Variants in ARFGEF3 observed in about 807,000 individuals in gnomAD.
ARFGEF3 encodes ARFGEF family member 3.
Under a neutral mutation model 221.7 loss-of-function variants are expected in ARFGEF3, and 96 were observed. That is an observed-to-expected ratio of 0.43 (90% confidence interval 0.37 to 0.51). The LOEUF (loss-of-function observed/expected upper bound fraction) is 0.51, where lower values mean the gene tolerates loss of function less well. ARFGEF3 is among the 20% of genes least tolerant of loss of function. The probability of loss-of-function intolerance (pLI) is 0.00; values close to 1 mark genes in which losing one functional copy is unlikely to be tolerated. For missense variants in ARFGEF3, 2,410 were observed against 2,789.9 expected, an observed-to-expected ratio of 0.86 and a Z score of 3.07; for synonymous variants, 1,145 against 1,126.8, an observed-to-expected ratio of 1.02 and a Z score of -0.32.
chr6:138,278,727 C>T (rs1779145280), intron 13 of ARFGEF3, 110 bp downstream of exon 13: 3 of 1,198,232 alleles, frequency 2.5e-6, no homozygotes, highest in Non-Finnish European at 3.5e-6. Context: ...TTGTTCCAGA[C>T]TGCTCTAGGT....
intron 22 of ARFGEF3, 27 bp downstream of exon 22, chr6:138,298,812 A>T: frequency 6.3e-7 from 1 of 1,586,836 alleles, no homozygotes; most frequent in Non-Finnish European, 8.6e-7. Flanking sequence ...CATCAGCGTC[A>T]TAGCTGGCTC....
At chr6:138,246,878 G>A (rs1185120016) in intron 8 of ARFGEF3, among the ~76,000 whole-genome samples, 1 of 152,146 alleles carries the variant, frequency 6.6e-6, no homozygotes, top group Non-Finnish European at 1.5e-5. Flanking sequence ...TGGGTAGTGG[G>A]AGGAAATGAG....
intron 2 of ARFGEF3, among the ~76,000 whole-genome samples, chr6:138,189,416 C>T (rs996817347): frequency 6.6e-6 from 1 of 152,074 alleles, no homozygotes; most frequent in African/African-American, 2.4e-5. Flanking sequence ...CCAGGATTAC[C>T]CAGTAACAAC....
chr6:138,280,254 G>A (rs72986886), intron 14 of ARFGEF3, 90 bp downstream of exon 14: 57,294 of 1,333,758 alleles, frequency 0.043, 1,603 homozygotes, highest in Non-Finnish European at 0.047. Context: ...TTGGTGCTTG[G>A]AGCAGACTTT....
chr6:138,284,040 C>T (rs1277341395), intron 14 of ARFGEF3, among the ~76,000 whole-genome samples: 1 of 152,180 alleles, frequency 6.6e-6, no homozygotes, highest in Non-Finnish European at 1.5e-5. Flanking sequence ...GGCAGTGGCT[C>T]ACACCTGTAA....
intron 4 of ARFGEF3, among the ~76,000 whole-genome samples, chr6:138,219,793 CGTGTGT>C (rs141714713): frequency 6.7e-6 from 1 of 149,096 alleles, no homozygotes; most frequent in Admixed American, 6.7e-5. Context: ...CATAGATGTG[CGTGTGT>C]GTGTGTGTGT....
At chr6:138,185,588 T>G (rs952280051) in intron 2 of ARFGEF3, among the ~76,000 whole-genome samples, 18 of 152,284 alleles carry the variant, frequency 1.2e-4, no homozygotes, top group African/African-American at 4.3e-4. Flanking sequence ...AGATAAATAG[T>G]TGAAGTTTTA....
intron 33 of ARFGEF3, 25 bp from the exon 34 acceptor site, chr6:138,336,270 G>A: frequency 6.8e-7 from 1 of 1,473,552 alleles, no homozygotes. Context: ...GAAAGCCACT[G>A]ATTTTCTTAA....
chr6:138,334,579 G>T lies in ARFGEF3; in HGVS notation c.5733G>T (p.Leu1911=), dbSNP rs539132623. The change falls in exon 33 of 34, where the codon CTG becomes CTT. Residue 1911 remains leucine (L), a synonymous_variant. Coordinates refer to ENST00000251691, the MANE Select transcript of ARFGEF3 (RefSeq NM_020340.5). This position sits in a 1 kb window ranked among gnomAD's most constrained non-coding sequence, Gnocchi z 5.1. ...VKRLHKLCME[L]CNNYIQMHLD... is the part of the protein sequence containing the mutation. Reference sequence around the variant, plus strand: ...GGCTGCACAAGCTGTGCATGGAACTGTGCAACAACTACATCCAGATGCACT... The same window carrying T: ...GGCTGCACAAGCTGTGCATGGAACTTTGCAACAACTACATCCAGATGCACT... 6.2e-7 allele frequency: 1 copy of T among 1,613,718 alleles called. No individual in the cohort carries two copies. Among genetic ancestry groups the T allele is most frequent in the South Asian group, 1.1e-5 (1 of 91,076 alleles).
intron 20 of ARFGEF3, among the ~76,000 whole-genome samples, chr6:138,294,500 A>C (rs1779472015): frequency 6.6e-6 from 1 of 152,238 alleles, no homozygotes; most frequent in Non-Finnish European, 1.5e-5. Context: ...CTGTCCAGCC[A>C]GTGGGACAGA....
At chr6:138,238,174 G>A (rs2114546826) in intron 5 of ARFGEF3, among the ~76,000 whole-genome samples, 1 of 152,244 alleles carries the variant, frequency 6.6e-6, no homozygotes, top group South Asian at 2.1e-4. Flanking sequence ...TCACTACGAA[G>A]GGAGCTTTTT....
chr6:138,266,774 G>A (rs545134883), intron 12 of ARFGEF3, among the ~76,000 whole-genome samples: 66 of 142,852 alleles, frequency 4.6e-4, no homozygotes, highest in Non-Finnish European at 8.5e-4. Context: ...GTGTGAACCC[G>A]GGAGGCAGAG....
At chr6:138,306,677 A>G (rs1415853183) in intron 22 of ARFGEF3, among the ~76,000 whole-genome samples, 2 of 152,156 alleles carry the variant, frequency 1.3e-5, no homozygotes, top group East Asian at 1.9e-4. Context: ...TGAAGATACC[A>G]TTGCAATTCA....
intron 31 of ARFGEF3, 41 bp from the exon 32 acceptor site, chr6:138,327,980 G>A: frequency 1.3e-6 from 2 of 1,532,970 alleles, no homozygotes; most frequent in Non-Finnish European, 1.8e-6. Context: ...TCAAGCAGAG[G>A]ACACTGGAGT....
intron 2 of ARFGEF3, among the ~76,000 whole-genome samples, chr6:138,173,202 A>T (rs976467342): frequency 4.6e-5 from 7 of 152,160 alleles, no homozygotes; most frequent in African/African-American, 1.7e-4. Context: ...TATTCACAAG[A>T]TACATTTCAA....
Position 138,162,083 on chromosome 6 carries a change from C to A in ARFGEF3, c.-4C>A. ...GGCGGCGGCCCGGCGCCTGGAAGGT[C>A]AAGATGGAAGAAATCCTGAGGAAGC... On this transcript the variant is annotated 5_prime_UTR_variant, in exon 1 of 34. Coordinates refer to ENST00000251691, the MANE Select transcript of ARFGEF3 (RefSeq NM_020340.5). This position sits in a 1 kb window ranked among gnomAD's most constrained non-coding sequence, Gnocchi z 4.7. The A allele has an allele frequency of 6.3e-7, 1 of 1,590,464 alleles. No individual in the cohort carries two copies. Among genetic ancestry groups the A allele is most frequent in the Non-Finnish European group, 8.6e-7 (1 of 1,168,406 alleles).
rs1776626132 is a variant in ARFGEF3, at chr6:138,162,134, G to T, written c.48G>T (p.Lys16Asn). Residue 16 changes from lysine (K) to asparagine (N), a missense_variant, in exon 1 of 34, where the codon AAG (lysine) becomes AAT (asparagine). By Grantham distance (94) the Lys-to-Asn change is moderately conservative. Transcript: ENST00000251691. The surrounding 1 kb of genome is among the most constrained non-coding windows in gnomAD (Gnocchi z 4.7). Reference sequence around the variant, plus strand: ...TGCAGAAGGAGGCGTCCGGGAGCAAGTACAAAGCCATCAAGGAGAGCTGCA... The same window carrying T: ...TGCAGAAGGAGGCGTCCGGGAGCAATTACAAAGCCATCAAGGAGAGCTGCA... ...RKLQKEASGS[K>N]YKAIKESCTW... 6.2e-7 allele frequency: 1 copy of T among 1,606,318 alleles called. No individual in the cohort carries two copies. The highest frequency in any genetic ancestry group is 8.5e-7 in the Non-Finnish European group (1 of 1,176,110).
At chr6:138,197,516 G>A (rs184565832) in intron 2 of ARFGEF3, among the ~76,000 whole-genome samples, 49 of 152,224 alleles carry the variant, frequency 3.2e-4, no homozygotes, top group African/African-American at 7.2e-4. Flanking sequence ...TACAACTGGC[G>A]GCACAGTTGA....
At chr6:138,307,693 G>A (rs1779751169) in intron 23 of ARFGEF3, among the ~76,000 whole-genome samples, 1 of 152,172 alleles carries the variant, frequency 6.6e-6, no homozygotes, top group South Asian at 2.1e-4. Flanking sequence ...AAAGAAAAAT[G>A]TTATCCATTT....
Sources: gnomAD v4.1 joint callset for allele counts (sites outside exome capture counted in the v4.1 genomes callset) on GRCh38, gnomAD v4.1.1 for gene constraint, Gnocchi (gnomAD v3.1) non-coding constraint, MANE v1.5 for transcripts, NCBI Gene and HGNC (gene_info 2026-07-23, HGNC 2026-07-21) for gene names.